TULP2: variants seen among roughly 807,000 people sequenced by gnomAD.
TULP2 encodes TUB like protein 2.
A neutral mutation model predicts 60.3 loss-of-function variants in TULP2; 64 were observed. That is an observed-to-expected ratio of 1.06 (90% confidence interval 0.87 to 1.31). TULP2 has a LOEUF of 1.31. TULP2 is among the 50% of genes most tolerant of loss of function. The probability of loss-of-function intolerance (pLI) is 0.00; values close to 1 mark genes in which losing one functional copy is unlikely to be tolerated. For synonymous variants in TULP2, 267 were observed against 265.4 expected, an observed-to-expected ratio of 1.01 and a Z score of -0.06; for missense variants, 652 against 667.0, an observed-to-expected ratio of 0.98 and a Z score of 0.25.
At chr19:48,896,247 C>T (rs532948348) in intron 4 of TULP2, among the ~76,000 whole-genome samples, 183 bp downstream of exon 4, 22 of 152,336 alleles carry the variant, frequency 1.4e-4, no homozygotes, top group African/African-American at 4.8e-4. Flanking sequence ...GCGGGGGGCC[C>T]CCACAAGCCT....
rs773402688 is a variant in TULP2, at chr19:48,897,437, C to A, written c.33-41G>T. ...GCCCATGGTGACAGTGCACAGGGAA[C>A]CTCGGTTGCCCAAGAGAGTCCCTCC... On this transcript the variant is annotated intron_variant, in intron 2 of 12. Coordinates refer to ENST00000221399, the MANE Select transcript of TULP2 (RefSeq NM_003323.3). The surrounding 1 kb of genome is among the most constrained non-coding windows in gnomAD (Gnocchi z 4.0). 1.3e-5 allele frequency: 21 copies of A among 1,606,054 alleles called. No homozygotes were observed. Among genetic ancestry groups the A allele is most frequent in the Non-Finnish European group, 1.5e-5 (18 of 1,175,186 alleles).
At position 48,895,054 on chromosome 19, in the gene TULP2, G is replaced by A; in HGVS notation, c.458C>T (p.Pro153Leu). ...TCGGATTCTCGGAGACTGTTTAAAA[G>A]GTGGGGGAGAGACGGAACCATTCTC... ...SVENGSVSPP[P>L]FKQSPRIRRK... The change falls in exon 6 of 13, where the codon CCT becomes CTT. Residue 153 changes from proline (P) to leucine (L), a missense_variant. Pro to Leu is a moderately conservative substitution (Grantham distance 98). Coordinates refer to ENST00000221399, the MANE Select transcript of TULP2 (RefSeq NM_003323.3). 6.2e-7 allele frequency: 1 copy of A among 1,614,146 alleles called. No homozygotes were observed. Among genetic ancestry groups the A allele is most frequent in the Non-Finnish European group, 8.5e-7 (1 of 1,180,032 alleles).
At chr19:48,882,343 C>T (rs1396890679) in intron 11 of TULP2, 140 bp from the exon 12 acceptor site, 11 of 878,328 alleles carry the variant, frequency 1.3e-5, no homozygotes, top group South Asian at 1.7e-5. Flanking sequence ...TGCTGGGCTG[C>T]GTTCCCAGGA....
rs2037295478 is a variant in TULP2, at chr19:48,897,777, A to T, written c.32+60T>A. The T allele has an allele frequency of 6.4e-7, 1 of 1,571,328 alleles. No homozygotes were observed. Among genetic ancestry groups the T allele is most frequent in the African/African-American group, 1.4e-5 (1 of 73,836 alleles). ...AAACATGGTTATGAAGCCAGAGCCG[A>T]GTGCACGGGGTCCCCAGCCCTTTCC... is the stretch of plus-strand genomic sequence containing the variant. On this transcript the variant is annotated intron_variant, in intron 2 of 12. Transcript: ENST00000221399. This position sits in a 1 kb window ranked among gnomAD's most constrained non-coding sequence, Gnocchi z 4.0.
In TULP2 at chr19:48,887,943, A is replaced by G. The variant is rs1230302385; in HGVS notation, c.948+7T>C. On this transcript the variant is annotated splice_region_variant and intron_variant, in intron 8 of 12. Coordinates refer to ENST00000221399, the MANE Select transcript of TULP2 (RefSeq NM_003323.3). Reference sequence around the variant, plus strand: ...ACTCCCAAAGCTGTTGGGCTGGCTTACTGCACCTGCAGGCTGTCAGAGGTC... The same window carrying G: ...ACTCCCAAAGCTGTTGGGCTGGCTTGCTGCACCTGCAGGCTGTCAGAGGTC... The G allele has an allele frequency of 3.7e-6, 6 of 1,605,188 alleles. No individual in the cohort carries two copies. Among genetic ancestry groups the G allele is most frequent in the Non-Finnish European group, 5.1e-6 (6 of 1,172,982 alleles).
intron 11 of TULP2, 34 bp downstream of exon 11, chr19:48,883,720 A>T: frequency 6.2e-7 from 1 of 1,611,238 alleles, no homozygotes; most frequent in Non-Finnish European, 8.5e-7. Context: ...CCCCTTCTCC[A>T]TTGACCCAGA....
chr19:48,887,111 C>T (rs1205672569), intron 8 of TULP2, among the ~76,000 whole-genome samples: 1 of 146,928 alleles, frequency 6.8e-6, no homozygotes, highest in Non-Finnish European at 1.5e-5. Context: ...CTTCGAGTTT[C>T]AAGCATTCTC....
chr19:48,892,514 T>G lies in TULP2; in HGVS notation c.514+2484A>C, dbSNP rs572938888. Among the ~76,000 whole-genome samples the G allele has an allele frequency of 1.7e-4, 26 of 151,682 alleles. 1 individual carries two copies. In the East Asian group the frequency reaches 2.1e-3, roughly 12 times the overall value. ...AGCAGAACAGTTTTTCTTTTTTTTT[T>G]TGGGGGGGGGACGGAGTCTTGCTCT... On this transcript the variant is annotated intron_variant, in intron 6 of 12. Coordinates refer to ENST00000221399, the MANE Select transcript of TULP2 (RefSeq NM_003323.3).
intron 7 of TULP2, among the ~76,000 whole-genome samples, chr19:48,888,567 T>A (rs541605904): frequency 6.6e-6 from 1 of 152,280 alleles, no homozygotes; most frequent in African/African-American, 2.4e-5. Flanking sequence ...AGATCTACCC[T>A]CAAGAGAAAC....
intron 8 of TULP2, 93 bp downstream of exon 8, chr19:48,887,857 C>A: frequency 7.1e-7 from 1 of 1,400,452 alleles, no homozygotes; most frequent in Non-Finnish European, 9.8e-7. Context: ...TGTGCCCAGC[C>A]CCAGGCTGGT....
At position 48,885,478 on chromosome 19, in the gene TULP2, C is replaced by G. The variant is rs149927960; in HGVS notation, c.1031G>C (p.Arg344Pro). The G allele has an allele frequency of 1.9e-6, 3 of 1,613,882 alleles. No homozygotes were observed. In the African/African-American group the frequency reaches 4.0e-5, roughly 22 times the overall value. The change falls in exon 9 of 13, where the codon CGG (arginine) becomes CCG (proline). Residue 344 changes from arginine (R) to proline (P), a missense_variant. Arg to Pro is a moderately radical substitution (Grantham distance 103). Coordinates refer to ENST00000221399, the MANE Select transcript of TULP2 (RefSeq NM_003323.3). The stretch of plus-strand genomic sequence containing the variant: ...TTTGCCCACGAAATTGTCCCCGTCC[C>G]GAGATAGGTGTGTAGGATCCAGGGA... ...LISLDPTHLS[R>P]DGDNFVGKVR... is the part of the protein sequence containing the mutation.
In TULP2 at chr19:48,889,704, C is replaced by A. The variant is rs959235388; in HGVS notation, c.515-73G>T. The A allele has an allele frequency of 3.7e-6, 5 of 1,350,226 alleles. No homozygotes were observed. The African/African-American group carries it at 7.2e-5, about 20-fold the overall frequency. The allele number at this position is 1,350,226 out of a possible 1,614,324, so 83.6% of individuals were successfully genotyped here. On this transcript the variant is annotated intron_variant, in intron 6 of 12. Coordinates refer to ENST00000221399, the MANE Select transcript of TULP2 (RefSeq NM_003323.3). ...TAGAAAGAAGTAGACATAGGAGACT[C>A]CATTTTGTTCTGTACTAAGACAAAT...
Position 48,885,454 on chromosome 19 carries a change from T to C in TULP2, c.1055A>G (p.Lys352Arg). 1 of 1,613,850 alleles carries C rather than the reference T, an allele frequency of 6.2e-7. No individual in the cohort carries two copies. Among genetic ancestry groups the C allele is most frequent in the Non-Finnish European group, 8.5e-7 (1 of 1,179,838 alleles). ...LSRDGDNFVG[K>R]VRSNVFSTKF... The stretch of plus-strand genomic sequence containing the variant: ...ATGTCAGAGCTCTACCCACCTGACT[T>C]TGCCCACGAAATTGTCCCCGTCCCG... Residue 352 changes from lysine (K) to arginine (R), a missense_variant, in exon 9 of 13, where the codon AAA becomes AGA. Lys to Arg is a conservative substitution (Grantham distance 26, BLOSUM62 2). Coordinates refer to ENST00000221399, the MANE Select transcript of TULP2 (RefSeq NM_003323.3).
chr19:48,897,970 T>C lies in TULP2; in HGVS notation c.-1-101A>G. ...AGCCTTATTTATTTATTTATTTATT[T>C]ATTTATTTATGTATTTAGAGACAGC... On this transcript the variant is annotated intron_variant, in intron 1 of 12. Coordinates refer to ENST00000221399, the MANE Select transcript of TULP2 (RefSeq NM_003323.3). The surrounding 1 kb of genome is among the most constrained non-coding windows in gnomAD (Gnocchi z 4.0). 1 of 948,570 alleles carries C rather than the reference T, an allele frequency of 1.1e-6. No homozygotes were observed. The highest frequency in any genetic ancestry group is 1.4e-6 in the Non-Finnish European group (1 of 702,532). The allele number at this position is 948,570 out of a possible 1,614,324, so 58.8% of individuals were successfully genotyped here.
intron 1 of TULP2, among the ~76,000 whole-genome samples, chr19:48,898,091 C>T (rs2037299320): frequency 6.6e-6 from 1 of 151,986 alleles, no homozygotes; most frequent in African/African-American, 2.4e-5. Flanking sequence ...CCTGCCTCAG[C>T]CTCCCGAGTA....
Position 48,897,742 on chromosome 19 carries a change from C to G in TULP2, c.32+95G>C. On this transcript the variant is annotated intron_variant, in intron 2 of 12. Transcript: ENST00000221399. This position sits in a 1 kb window ranked among gnomAD's most constrained non-coding sequence, Gnocchi z 4.0. ...GCCCCTTCCTGCAAGGCCGATGGTG[C>G]TGAACCTGCAAACATGGTTATGAAG... 1 of 1,356,564 alleles carries G rather than the reference C, an allele frequency of 7.4e-7. No homozygotes were observed. Among genetic ancestry groups the G allele is most frequent in the Non-Finnish European group, 1.1e-6 (1 of 946,734 alleles). 84.0% of individuals were successfully genotyped at this position (1,356,564 alleles called of 1,614,324 possible).
rs78423192 is a variant in TULP2, at chr19:48,888,478, T to C, written c.637-217A>G. Among the ~76,000 whole-genome samples, 1,053 of 152,310 alleles carry C rather than the reference T, an allele frequency of 6.9e-3. 17 individuals carry two copies. The highest frequency in any genetic ancestry group is 0.024 in the African/African-American group (1,008 of 41,562). On this transcript the variant is annotated intron_variant, in intron 7 of 12. Coordinates refer to ENST00000221399, the MANE Select transcript of TULP2 (RefSeq NM_003323.3). ...CAGCCACACGCATTCCACCTGCTGA[T>C]TGGAAAATTCCTTTCTGAAAGCAAG...
Position 48,896,531 on chromosome 19 carries a change from CGCT to C in TULP2, c.107_109del (p.Gln36del), listed in dbSNP as rs759345306. The C allele has an allele frequency of 1.2e-6, 2 of 1,602,668 alleles. No individual in the cohort carries two copies. Among genetic ancestry groups the C allele is most frequent in the East Asian group, 4.5e-5 (2 of 44,096 alleles). On this transcript the variant is annotated inframe_deletion, in exon 4 of 13. Transcript: ENST00000221399. ...CATGAGGAGCTCCTGGCGCTTCTGTCGCTGCTTCTTTTCAAACAGCCGCCGCTG... is the reference window on the plus strand; with the variant it reads ...CATGAGGAGCTCCTGGCGCTTCTGTCGCTTCTTTTCAAACAGCCGCCGCTG...
intron 6 of TULP2, among the ~76,000 whole-genome samples, chr19:48,891,158 C>CAAA (rs564693397): frequency 3.0e-4 from 34 of 113,418 alleles, no homozygotes; most frequent in African/African-American, 1.0e-3. Context: ...ACTAAAAATA[C>CAAA]AAAAAAAAAA....
Sources: allele counts gnomAD v4.1 joint callset (sites outside exome capture counted in the v4.1 genomes callset), GRCh38; gene constraint gnomAD v4.1.1; non-coding constraint Gnocchi (gnomAD v3.1); transcripts MANE v1.5; gene names NCBI Gene and HGNC (gene_info 2026-07-23, HGNC 2026-07-21).